Variants in UNC13C observed in about 807,000 individuals in gnomAD.
UNC13C encodes unc-13 homolog C, also known as protein unc-13 homolog C.
In UNC13C, 174 loss-of-function variants were observed where a neutral mutation model predicts 245.4. The observed-to-expected ratio is 0.71, with a 90% CI of 0.63 to 0.80. The LOEUF is 0.80. Among genes scored for constraint, UNC13C ranks in the 30% least tolerant of loss-of-function variants. The pLI is 0.00. For synonymous variants in UNC13C, 992 were observed against 895.1 expected (o/e 1.11, Z -1.93); for missense variants, 2,829 against 2,602.9 (o/e 1.09, Z -1.89).
chr15:54,429,262 A>T (rs1482069713), intron 19 of UNC13C, among the ~76,000 whole-genome samples: 1 of 151,844 alleles, frequency 6.6e-6, no homozygotes, highest in Non-Finnish European at 1.5e-5. Context: ...AAAGTAATTT[A>T]TAAGTGAAAG....
At chr15:53,873,146 T>C in the UNC13C span, among the ~76,000 whole-genome samples, 2 of 21,314 alleles carry the variant, frequency 9.4e-5, no homozygotes, top group African/African-American at 3.3e-4. Context: ...CGTTTTTTTT[T>C]TTAGTGGCTA....
intron 2 of UNC13C, among the ~76,000 whole-genome samples, chr15:54,030,723 A>G (rs35101526): frequency 0.084 from 12,803 of 152,198 alleles, 687 homozygotes; most frequent in Admixed American, 0.13. Flanking sequence ...TTTTCCAGTG[A>G]GGGCTGCTCT....
intron 30 of UNC13C, among the ~76,000 whole-genome samples, chr15:54,598,186 T>C (rs1899206134): frequency 6.6e-6 from 1 of 152,148 alleles, no homozygotes; most frequent in African/African-American, 2.4e-5. Context: ...TTCACCTCCC[T>C]AGTTGAAACA....
At position 54,137,347 on chromosome 15, in the gene UNC13C, T is replaced by A. The variant is rs528480198; in HGVS notation, c.2984-5671T>A. On this transcript the variant is annotated intron_variant, in intron 2 of 32. Coordinates refer to ENST00000260323, the MANE Select transcript of UNC13C (RefSeq NM_001080534.3). ...CCTTGTCTGGCTTTGGTGTGAGTAATGCTGGCCCATAAAGTGAGCTGTAAG... is the reference window on the plus strand; with the variant it reads ...CCTTGTCTGGCTTTGGTGTGAGTAAAGCTGGCCCATAAAGTGAGCTGTAAG... 2.6e-5 allele frequency among the ~76,000 whole-genome samples: 4 copies of A among 152,314 alleles called. No individual in the cohort carries two copies. In the East Asian group the frequency reaches 5.8e-4, roughly 22 times the overall value.
At chr15:54,414,396 C>T (rs1012971366) in intron 18 of UNC13C, among the ~76,000 whole-genome samples, 1 of 152,152 alleles carries the variant, frequency 6.6e-6, no homozygotes, top group African/African-American at 2.4e-5. Context: ...CCTATAATCT[C>T]AGCACTCTGG....
chr15:53,866,960 A>C, the UNC13C span, among the ~76,000 whole-genome samples: 1 of 152,240 alleles, frequency 6.6e-6, no homozygotes, highest in Admixed American at 6.5e-5. Flanking sequence ...AAATGGTTTC[A>C]GGTTGTTCAC....
At chr15:54,054,085 A>C (rs1897392410) in intron 2 of UNC13C, among the ~76,000 whole-genome samples, 1 of 152,212 alleles carries the variant, frequency 6.6e-6, no homozygotes, top group African/African-American at 2.4e-5. Context: ...TGCAGTAAAC[A>C]TGGGAGTGCA....
At chr15:54,107,788 G>A (rs1406325533) in intron 2 of UNC13C, among the ~76,000 whole-genome samples, 1 of 152,160 alleles carries the variant, frequency 6.6e-6, no homozygotes, top group African/African-American at 2.4e-5. Context: ...TTTAGAGGAA[G>A]CATGAGAATA....
chr15:54,581,096 C>A (rs1029825843), intron 30 of UNC13C, among the ~76,000 whole-genome samples: 5 of 152,082 alleles, frequency 3.3e-5, no homozygotes, highest in African/African-American at 1.2e-4. Context: ...TGCTAGATGC[C>A]AGATGAATCT....
chr15:54,416,932 T>C (rs1283934835), intron 19 of UNC13C: 4 of 456,484 alleles, frequency 8.8e-6, no homozygotes, highest in African/African-American at 8.0e-5. Context: ...GCTGCTCTGA[T>C]GCCTGGATTT....
At chr15:54,221,507 G>A (rs914992688) in intron 4 of UNC13C, among the ~76,000 whole-genome samples, 1 of 151,460 alleles carries the variant, frequency 6.6e-6, no homozygotes, top group African/African-American at 2.4e-5. Flanking sequence ...ATAACGTTAG[G>A]CAAAAATGCA....
chr15:54,204,179 A>G (rs1267287632), intron 4 of UNC13C, among the ~76,000 whole-genome samples: 1 of 151,634 alleles, frequency 6.6e-6, no homozygotes, highest in Non-Finnish European at 1.5e-5. Flanking sequence ...AATACTACAC[A>G]TTGGGTACAG....
chr15:53,924,725 C>G, the UNC13C span, among the ~76,000 whole-genome samples: 3 of 152,258 alleles, frequency 2.0e-5, no homozygotes, highest in South Asian at 6.2e-4. Context: ...CTTTCCTAAT[C>G]CCAAAGAAAG....
Position 54,480,414 on chromosome 15 carries a change from C to T in UNC13C, c.4934-14194C>T, listed in dbSNP as rs1286935228. Among the ~76,000 whole-genome samples the T allele has an allele frequency of 5.4e-5, 5 of 93,120 alleles. No homozygotes were observed. In the East Asian group the frequency reaches 1.1e-3, roughly 21 times the overall value. 61.1% of individuals were successfully genotyped at this position (93,120 alleles called of 152,430 possible). On this transcript the variant is annotated intron_variant, in intron 19 of 32. Coordinates refer to ENST00000260323, the MANE Select transcript of UNC13C (RefSeq NM_001080534.3). The stretch of plus-strand genomic sequence containing the variant: ...ATAGGCTTCGTTCATTCTTTTTTTA[C>T]TCTTTTTTTTTTTTTTAGTTTTGTC...
intron 2 of UNC13C, among the ~76,000 whole-genome samples, chr15:54,036,854 T>G (rs1457581302): frequency 6.6e-6 from 1 of 152,196 alleles, no homozygotes; most frequent in Non-Finnish European, 1.5e-5. Flanking sequence ...TTCTATGACT[T>G]TATGAACATG....
chr15:54,336,227 A>G (rs1448482530), intron 16 of UNC13C, among the ~76,000 whole-genome samples: 1 of 152,072 alleles, frequency 6.6e-6, no homozygotes, highest in Non-Finnish European at 1.5e-5. Context: ...ATGTGTATAC[A>G]TTGCAGAATG....
intron 10 of UNC13C, among the ~76,000 whole-genome samples, chr15:54,278,831 C>T (rs543841852): frequency 1.6e-4 from 24 of 152,224 alleles, no homozygotes; most frequent in African/African-American, 4.6e-4. Context: ...CTAAAGTAAT[C>T]GCTTTCATCA....
rs1264521812 is a variant in UNC13C at position 54,544,935 on chromosome 15, T to C, written c.5697-1787T>C. ...CTACCATTAACTTTCTTCACATAAT[T>C]GGAAAAAACTACTTTAACTTTCATA... On this transcript the variant is annotated intron_variant, in intron 26 of 32. Coordinates refer to ENST00000260323, the MANE Select transcript of UNC13C (RefSeq NM_001080534.3). 2.6e-5 allele frequency among the ~76,000 whole-genome samples: 4 copies of C among 152,148 alleles called. No homozygotes were observed. The East Asian group carries it at 7.7e-4, about 29-fold the overall frequency.
chr15:54,179,571 T>C lies in UNC13C; in HGVS notation c.3071+35887T>C, dbSNP rs144303026. On this transcript the variant is annotated intron_variant, in intron 4 of 32. Coordinates refer to ENST00000260323, the MANE Select transcript of UNC13C (RefSeq NM_001080534.3). ...ATATAATTAGAGATAGTTCAATACA[T>C]CTAAAGGAAGCTCTGAAAGAAAGAA... Among the ~76,000 whole-genome samples the C allele has an allele frequency of 1.2e-4, 18 of 151,904 alleles. No individual in the cohort carries two copies. The East Asian group carries it at 3.5e-3, about 29-fold the overall frequency.
Sources: allele counts gnomAD v4.1 joint callset (sites outside exome capture counted in the v4.1 genomes callset), GRCh38; gene constraint gnomAD v4.1.1; transcripts MANE v1.5; gene names NCBI Gene and HGNC (gene_info 2026-07-23, HGNC 2026-07-21).